The following OXR1 variants were observed in gnomAD, a reference collection of about 807,000 sequenced individuals.
The protein encoded by OXR1 is oxidation resistance protein 1.
Under a neutral mutation model 104.6 loss-of-function variants are expected in OXR1, and 41 were observed. That is an observed-to-expected ratio of 0.39 (90% confidence interval 0.31 to 0.51). OXR1 has a LOEUF of 0.51. Ranked by LOEUF, OXR1 falls within the 20% of genes least tolerant of loss-of-function variation. The probability of loss-of-function intolerance (pLI) is 0.77; values close to 1 mark genes in which losing one functional copy is unlikely to be tolerated. For synonymous variants in OXR1, 348 were observed against 348.4 expected, an observed-to-expected ratio of 1.00 and a Z score of 0.01; for missense variants, 955 against 1,031.9, an observed-to-expected ratio of 0.93 and a Z score of 1.02.
chr8:106,446,899 C>A (rs1563528209), intron 2 of OXR1, among the ~76,000 whole-genome samples: 2 of 152,190 alleles, frequency 1.3e-5, no homozygotes, highest in Non-Finnish European at 2.9e-5. Flanking sequence ...GAACTCCAAT[C>A]TTGGCAACAG....
chr8:106,595,510 A>T (rs1819449667), intron 3 of OXR1, among the ~76,000 whole-genome samples: 1 of 148,538 alleles, frequency 6.7e-6, no homozygotes, highest in Non-Finnish European at 1.5e-5. Flanking sequence ...AGACTGCACC[A>T]CTGCACTCCA....
At chr8:106,544,672 C>T (rs898768726) in intron 3 of OXR1, among the ~76,000 whole-genome samples, 2 of 152,028 alleles carry the variant, frequency 1.3e-5, no homozygotes, top group Admixed American at 6.6e-5. Flanking sequence ...CTCGTCATCA[C>T]AAGAGACGGA....
At chr8:106,293,136 G>A (rs1812826315) in intron 1 of OXR1, among the ~76,000 whole-genome samples, 1 of 152,184 alleles carries the variant, frequency 6.6e-6, no homozygotes, top group Admixed American at 6.5e-5. Context: ...GAGGGAAAGA[G>A]AACTGGGCGA....
intron 2 of OXR1, among the ~76,000 whole-genome samples, chr8:106,380,713 G>A: frequency 6.6e-6 from 1 of 152,096 alleles, no homozygotes; most frequent in Non-Finnish European, 1.5e-5. Flanking sequence ...CTTCCCTGGT[G>A]ATTAATGATG....
chr8:106,577,487 T>G (rs4734926), intron 3 of OXR1, among the ~76,000 whole-genome samples: 74,164 of 146,760 alleles, frequency 0.51, 18,769 homozygotes, highest in Admixed American at 0.53. Flanking sequence ...CCTCCCGGGT[T>G]CACACCATTC....
At chr8:106,274,606 C>A (rs560508565) in intron 1 of OXR1, among the ~76,000 whole-genome samples, 2 of 136,264 alleles carry the variant, frequency 1.5e-5, no homozygotes, top group African/African-American at 2.6e-5. Context: ...CGCCACCCCC[C>A]CCCCGACCCC....
rs553740648 is a variant in OXR1, at chr8:106,611,562, A to G, written c.221-67648A>G. ...AAGGGTTAAAGATTGAGAATTGGAT[A>G]GACCCTGGAGAACCAGAAGGGTGAT... is the stretch of plus-strand genomic sequence containing the variant. On this transcript the variant is annotated intron_variant, in intron 3 of 16. Coordinates refer to ENST00000517566, the MANE Select transcript of OXR1 (RefSeq NM_001198533.2). Among the ~76,000 whole-genome samples, 38 of 152,338 alleles carry G rather than the reference A, an allele frequency of 2.5e-4. No homozygotes were observed. The South Asian group carries it at 7.5e-3, about 30-fold the overall frequency.
chr8:106,709,897 T>C (rs1224873475), intron 9 of OXR1, among the ~76,000 whole-genome samples: 1 of 152,124 alleles, frequency 6.6e-6, no homozygotes. Context: ...GGGGTTCCCA[T>C]AGATTATCTA....
intron 3 of OXR1, among the ~76,000 whole-genome samples, chr8:106,603,916 G>A (rs1409171732): frequency 6.6e-6 from 1 of 151,960 alleles, no homozygotes; most frequent in Admixed American, 6.6e-5. Context: ...AGCTGGGCGT[G>A]GTGGTGCATG....
intron 15 of OXR1, chr8:106,742,529 G>A (rs750631489): frequency 1.2e-5 from 5 of 416,516 alleles, no homozygotes; most frequent in East Asian, 4.5e-5. Context: ...GAGGCATCAC[G>A]TTACGTGACT....
At chr8:106,581,400 A>T in intron 3 of OXR1, 1 of 420,596 alleles carries the variant, frequency 2.4e-6, no homozygotes, top group East Asian at 7.7e-5. Flanking sequence ...GTAGATTCGG[A>T]TATTTGTTTA....
intron 3 of OXR1, among the ~76,000 whole-genome samples, chr8:106,640,689 T>G (rs1823557900): frequency 6.6e-6 from 1 of 152,180 alleles, no homozygotes; most frequent in Non-Finnish European, 1.5e-5. Flanking sequence ...GCAAATCAAT[T>G]TTTAGAAATA....
chr8:106,683,413 A>G (rs1828376110), intron 5 of OXR1, 107 bp downstream of exon 5: 1 of 519,966 alleles, frequency 1.9e-6, no homozygotes, highest in Non-Finnish European at 3.4e-6. Context: ...GAATAATTTT[A>G]TATGTGCTTT....
chr8:106,698,493 T>C (rs1255708030), intron 7 of OXR1, among the ~76,000 whole-genome samples: 2 of 152,186 alleles, frequency 1.3e-5, no homozygotes, highest in African/African-American at 2.4e-5. Flanking sequence ...TCCCATCCTC[T>C]CTTTCCTCTT....
At chr8:106,518,092 A>G (rs562798007) in intron 2 of OXR1, among the ~76,000 whole-genome samples, 85 of 152,342 alleles carry the variant, frequency 5.6e-4, no homozygotes, top group Non-Finnish European at 9.1e-4. Context: ...CGTACTAGAA[A>G]AGCCTAAATC....
chr8:106,302,536 A>G (rs1215235823), intron 1 of OXR1, among the ~76,000 whole-genome samples: 1 of 150,466 alleles, frequency 6.6e-6, no homozygotes, highest in Non-Finnish European at 1.5e-5. Context: ...CAGTGAGCTT[A>G]GATCGCGCCA....
At chr8:106,385,282 T>G (rs1450267300) in intron 2 of OXR1, among the ~76,000 whole-genome samples, 4 of 152,218 alleles carry the variant, frequency 2.6e-5, no homozygotes, top group Non-Finnish European at 5.9e-5. Flanking sequence ...TCCTTTCCAT[T>G]CTTCAAAAGC....
chr8:106,704,393 C>CTTTTTTTTTTTTTTTTTTTTTTT (rs71307084), intron 8 of OXR1, among the ~76,000 whole-genome samples: 4 of 47,888 alleles, frequency 8.4e-5, no homozygotes, highest in East Asian at 6.3e-4. Flanking sequence ...CTTTCTTCTT[C>CTTTTTTTTTTTTTTTTTTTTTTT]TTTTTTTTTT....
intron 3 of OXR1, among the ~76,000 whole-genome samples, chr8:106,602,157 G>T (rs1014741441): frequency 6.6e-6 from 1 of 152,200 alleles, no homozygotes; most frequent in African/African-American, 2.4e-5. Context: ...GCCATGCCAG[G>T]ATTCCTAGCC....
Sources: gnomAD v4.1 joint callset for allele counts (sites outside exome capture counted in the v4.1 genomes callset) on GRCh38, gnomAD v4.1.1 for gene constraint, MANE v1.5 for transcripts, NCBI Gene and HGNC (gene_info 2026-07-23, HGNC 2026-07-21) for gene names.